The following KCNG3 variants were observed in gnomAD, a reference collection of about 807,000 sequenced individuals.
KCNG3 encodes voltage-gated potassium channel regulatory subunit KCNG3.
KCNG3 carries 15 observed loss-of-function variants against 29.0 expected under a neutral mutation model. That is an observed-to-expected ratio of 0.52 (90% CI 0.35 to 0.80). The LOEUF is 0.80. Ranked by LOEUF, KCNG3 falls within the 30% of genes least tolerant of loss-of-function variation. The pLI, the probability that KCNG3 is intolerant of heterozygous loss-of-function variation, is 0.01. For synonymous variants in KCNG3, 322 were observed against 248.9 expected (o/e 1.29, Z -2.76); for missense variants, 512 against 605.7 (o/e 0.85, Z 1.62).
the KCNG3 span, among the ~76,000 whole-genome samples, chr2:42,419,006 T>C: frequency 6.6e-6 from 1 of 152,084 alleles, no homozygotes; most frequent in African/African-American, 2.4e-5. Context: ...CAGCACTGCA[T>C]TCTCTGAGTC....
intron 1 of KCNG3, among the ~76,000 whole-genome samples, chr2:42,457,627 T>TCACACTCA (rs1672910198): frequency 8.0e-6 from 1 of 125,434 alleles, no homozygotes; most frequent in Admixed American, 8.6e-5. Context: ...CAGGCAGATC[T>TCACACTCA]CACACACACA....
intron 1 of KCNG3, among the ~76,000 whole-genome samples, chr2:42,450,795 A>G (rs1558375413): frequency 6.6e-6 from 1 of 152,222 alleles, no homozygotes; most frequent in Middle Eastern, 3.2e-3. Context: ...CACTTTTCCA[A>G]GGTCACACAA....
Position 42,443,782 on chromosome 2 carries a change from A to C in KCNG3, c.*152T>G. The C allele has an allele frequency of 1.5e-6, 1 of 663,928 alleles. No individual in the cohort carries two copies. The highest frequency in any genetic ancestry group is 3.2e-5 in the Admixed American group (1 of 31,576). The allele number at this position is 663,928 out of a possible 1,614,324, so 41.1% of individuals were successfully genotyped here. On this transcript the variant is annotated 3_prime_UTR_variant, in exon 2 of 2. Coordinates refer to ENST00000306078, the MANE Select transcript of KCNG3 (RefSeq NM_133329.6). ...ATTCTATTTACTCCATAACAAGTAA[A>C]CTGTTTTATCCCTTCGGCTGGGAAG... is the stretch of plus-strand genomic sequence containing the variant.
At chr2:42,472,932 C>T (rs1309856211) in intron 1 of KCNG3, among the ~76,000 whole-genome samples, 16 of 137,442 alleles carry the variant, frequency 1.2e-4, no homozygotes, top group Admixed American at 6.2e-4. Flanking sequence ...AACAGAGTCT[C>T]GCTCTGTTGC....
At chr2:42,469,962 C>A (rs569320621) in intron 1 of KCNG3, 3 of 404,180 alleles carry the variant, frequency 7.4e-6, no homozygotes, top group African/African-American at 4.2e-5. Flanking sequence ...CTTCACAAAC[C>A]GGTGTGATAC....
chr2:42,459,681 T>G (rs950382845), intron 1 of KCNG3, among the ~76,000 whole-genome samples: 1 of 152,116 alleles, frequency 6.6e-6, no homozygotes, highest in African/African-American at 2.4e-5. Context: ...AGCACAGTTA[T>G]GTAAGATGTT....
chr2:42,488,521 G>C (rs1203692988), intron 1 of KCNG3, among the ~76,000 whole-genome samples: 1 of 149,592 alleles, frequency 6.7e-6, no homozygotes, highest in African/African-American at 2.5e-5. Flanking sequence ...ACAACAGGCT[G>C]TTTCCTGATA....
chr2:42,398,224 A>AAAATAAAT, the KCNG3 span, among the ~76,000 whole-genome samples: 753 of 141,428 alleles, frequency 5.3e-3, 6 homozygotes, highest in Admixed American at 0.022. Context: ...CTCTGTCTCA[A>AAAATAAAT]AAATAAATAA....
At chr2:42,427,308 T>C in the KCNG3 span, among the ~76,000 whole-genome samples, 1 of 152,200 alleles carries the variant, frequency 6.6e-6, no homozygotes, top group East Asian at 1.9e-4. Context: ...ATGCACAAAA[T>C]AAAAATGTTT....
intron 1 of KCNG3, among the ~76,000 whole-genome samples, chr2:42,457,425 G>A (rs1443954127): frequency 2.0e-5 from 3 of 151,860 alleles, no homozygotes; most frequent in Admixed American, 6.6e-5. Context: ...GCCTGGGGAG[G>A]TTGAAGCTGA....
At position 42,493,670 on chromosome 2, in the gene KCNG3, C is replaced by A. The variant is rs1366596139; in HGVS notation, c.-169G>T. 4 of 459,168 alleles carry A rather than the reference C, an allele frequency of 8.7e-6. No individual in the cohort carries two copies. The highest frequency in any genetic ancestry group is 4.1e-5 in the African/African-American group (2 of 49,040). The allele number at this position is 459,168 out of a possible 1,614,324, so 28.4% of individuals were successfully genotyped here. ...CCGCTGGCCCGGGGGTCCCTGGGCTCGAGTATCTCCGGCGCTGCTAGTAGC... is the reference window on the plus strand; with the variant it reads ...CCGCTGGCCCGGGGGTCCCTGGGCTAGAGTATCTCCGGCGCTGCTAGTAGC... On this transcript the variant is annotated 5_prime_UTR_variant, in exon 1 of 2. Coordinates refer to ENST00000306078, the MANE Select transcript of KCNG3 (RefSeq NM_133329.6).
chr2:42,452,240 TA>T lies in KCNG3; in HGVS notation c.666-7662del, dbSNP rs1450388142. On this transcript the variant is annotated intron_variant, in intron 1 of 1. Transcript: ENST00000306078. ...TGGTAAATATATATATATATATATA[TA>T]TATTTTTTTTTTTTTTTTAAAGGAA... 9.5e-3 allele frequency among the ~76,000 whole-genome samples: 654 copies of T among 68,602 alleles called. 4 individuals carry two copies. Among genetic ancestry groups the T allele is most frequent in the African/African-American group, 0.037 (576 of 15,430 alleles). 45.0% of individuals were successfully genotyped at this position (68,602 alleles called of 152,430 possible). A position where few individuals can be genotyped will look rare whatever the true frequency, so the allele number is the denominator to read the frequency against.
At chr2:42,423,045 A>C in the KCNG3 span, among the ~76,000 whole-genome samples, 2 of 152,130 alleles carry the variant, frequency 1.3e-5, no homozygotes, top group Non-Finnish European at 2.9e-5. Context: ...AAGGATTCCA[A>C]AATCCTGACC....
chr2:42,450,077 T>C (rs1046565959), intron 1 of KCNG3, among the ~76,000 whole-genome samples: 1 of 152,192 alleles, frequency 6.6e-6, no homozygotes, highest in Non-Finnish European at 1.5e-5. Context: ...TCTATTAATT[T>C]CAGAAGAGTA....
At chr2:42,455,102 A>T (rs775920673) in intron 1 of KCNG3, among the ~76,000 whole-genome samples, 1 of 152,216 alleles carries the variant, frequency 6.6e-6, no homozygotes, top group Non-Finnish European at 1.5e-5. Context: ...ATGGAATACA[A>T]ATCTATGCCC....
chr2:42,468,330 A>T (rs1385986982), intron 1 of KCNG3, among the ~76,000 whole-genome samples: 2 of 152,216 alleles, frequency 1.3e-5, no homozygotes, highest in Non-Finnish European at 2.9e-5. Context: ...ACATACAATG[A>T]AGTTAAATTC....
At chr2:42,425,626 G>T in the KCNG3 span, among the ~76,000 whole-genome samples, 2 of 152,040 alleles carry the variant, frequency 1.3e-5, no homozygotes, top group African/African-American at 2.4e-5. Flanking sequence ...CAAGATTTTT[G>T]ATTCAACTCA....
At chr2:42,431,488 G>T in the KCNG3 span, among the ~76,000 whole-genome samples, 4 of 152,126 alleles carry the variant, frequency 2.6e-5, no homozygotes, top group Non-Finnish European at 4.4e-5. Context: ...GGCCTTTGGG[G>T]CATATGTACA....
intron 1 of KCNG3, among the ~76,000 whole-genome samples, chr2:42,472,492 A>C (rs370266732): frequency 8.6e-5 from 13 of 150,448 alleles, no homozygotes; most frequent in African/African-American, 3.0e-4. Flanking sequence ...CACTCAGTAA[A>C]CTTCGACTGC....
Sources: allele counts gnomAD v4.1 joint callset (sites outside exome capture counted in the v4.1 genomes callset), GRCh38; gene constraint gnomAD v4.1.1; transcripts MANE v1.5; gene names NCBI Gene and HGNC (gene_info 2026-07-23, HGNC 2026-07-21).